The following TRPM7 variants were observed in gnomAD, a reference collection of about 807,000 sequenced individuals.
TRPM7 encodes LTRPC ion channel family member 7.
TRPM7 carries 134 observed loss-of-function variants against 229.7 expected under a neutral mutation model. The observed-to-expected ratio is 0.58, with a 90% CI of 0.51 to 0.67. TRPM7 has a LOEUF of 0.67. Ranked by LOEUF, TRPM7 falls within the 30% of genes least tolerant of loss-of-function variation. The pLI is 0.00. For synonymous variants in TRPM7, 699 were observed against 715.2 expected, an observed-to-expected ratio of 0.98 and a Z score of 0.36; for missense variants, 1,901 against 2,210.0, an observed-to-expected ratio of 0.86 and a Z score of 2.80.
intron 27 of TRPM7, chr15:50,588,084 G>T (rs1302747776): frequency 1.2e-5 from 3 of 241,502 alleles, no homozygotes; most frequent in Non-Finnish European, 1.9e-5. Flanking sequence ...GCAAATTATA[G>T]TCTTATGATA....
rs767613636 is a variant in TRPM7 at position 50,628,255 on chromosome 15, C to G, written c.1205-6G>C. On this transcript the variant is annotated splice_polypyrimidine_tract_variant and splice_region_variant and intron_variant, in intron 10 of 38. Coordinates refer to ENST00000646667, the MANE Select transcript of TRPM7 (RefSeq NM_017672.6). ...AAATGCAGATGCATTAGTACCTAATCGAATAAAGAAAATAGTTGACAGGTT... is the reference window on the plus strand; with the variant it reads ...AAATGCAGATGCATTAGTACCTAATGGAATAAAGAAAATAGTTGACAGGTT... The G allele has an allele frequency of 6.3e-7, 1 of 1,589,142 alleles. No individual in the cohort carries two copies. The highest frequency in any genetic ancestry group is 8.6e-7 in the Non-Finnish European group (1 of 1,162,048).
At chr15:50,637,626 A>G (rs1217226629) in intron 6 of TRPM7, 33 bp from the exon 7 acceptor site, 1 of 1,578,654 alleles carries the variant, frequency 6.3e-7, no homozygotes, top group South Asian at 1.1e-5. Context: ...GTTAGTGAGC[A>G]GGATTAAATA....
At chr15:50,634,662 G>GA (rs137911012) in intron 7 of TRPM7, 106 bp from the exon 8 acceptor site, 51 of 841,512 alleles carry the variant, frequency 6.1e-5, no homozygotes, top group South Asian at 8.7e-5. Context: ...AGATTTTACT[G>GA]AAAAAAAATT....
intron 4 of TRPM7, among the ~76,000 whole-genome samples, chr15:50,645,199 A>G (rs2061227455): frequency 6.9e-6 from 1 of 144,266 alleles, no homozygotes; most frequent in Non-Finnish European, 1.5e-5. Flanking sequence ...GGCACCCAGC[A>G]TGGTTAATTT....
At chr15:50,635,126 G>A (rs1170687954) in intron 7 of TRPM7, among the ~76,000 whole-genome samples, 2 of 151,498 alleles carry the variant, frequency 1.3e-5, no homozygotes, top group African/African-American at 4.9e-5. Context: ...GACCATCCTG[G>A]CTAACACAGT....
chr15:50,601,110 G>A (rs2059769530), intron 21 of TRPM7, among the ~76,000 whole-genome samples: 1 of 152,158 alleles, frequency 6.6e-6, no homozygotes, highest in Non-Finnish European at 1.5e-5. Context: ...ATATATTTTA[G>A]AATACAAATG....
chr15:50,612,822 G>T lies in TRPM7; in HGVS notation c.1778C>A (p.Thr593Lys), dbSNP rs769069570. 6.2e-7 allele frequency: 1 copy of T among 1,608,694 alleles called. No individual in the cohort carries two copies. Among genetic ancestry groups the T allele is most frequent in the African/African-American group, 1.3e-5 (1 of 74,562 alleles). Residue 593 changes from threonine (T) to lysine (K), a missense_variant, in exon 16 of 39, where the codon ACA (threonine) becomes AAA (lysine). By Grantham distance (78) the Thr-to-Lys change is moderately conservative. This residue lies in a region of TRPM7 where 794 missense variants were observed against 881.9 expected (regional missense o/e 0.90). Coordinates refer to ENST00000646667, the MANE Select transcript of TRPM7 (RefSeq NM_017672.6). The stretch of plus-strand genomic sequence containing the variant: ...TTTCTTCTTTCCTTCTTCCATAACT[G>T]TATCAATCTTCCAGGGAAAATAAAG... ...TAQPYRPKID[T>K]VMEEGKKKRT...
chr15:50,673,074 T>C (rs2062025871), intron 1 of TRPM7, among the ~76,000 whole-genome samples: 1 of 145,384 alleles, frequency 6.9e-6, no homozygotes, highest in Non-Finnish European at 1.5e-5. Context: ...TAATTTATTA[T>C]TGAATAAAAA....
rs186024162 is a variant in TRPM7 at position 50,681,187 on chromosome 15, G to A, written c.3+5344C>T. Reference sequence around the variant, plus strand: ...AATCACTTGAACCCGGGAGGCAGAGGTTGCAGTGAGCCAAGATCACGCCAC... The same window carrying A: ...AATCACTTGAACCCGGGAGGCAGAGATTGCAGTGAGCCAAGATCACGCCAC... On this transcript the variant is annotated intron_variant, in intron 1 of 38. Coordinates refer to ENST00000646667, the MANE Select transcript of TRPM7 (RefSeq NM_017672.6). Among the ~76,000 whole-genome samples the A allele has an allele frequency of 3.9e-5, 6 of 151,948 alleles. No individual in the cohort carries two copies. The East Asian group carries it at 1.2e-3, about 29-fold the overall frequency.
chr15:50,561,399 C>G lies in TRPM7; in HGVS notation c.*279G>C. The G allele has an allele frequency of 3.4e-6, 1 of 296,170 alleles. No homozygotes were observed. The highest frequency in any genetic ancestry group is 7.0e-5 in the South Asian group (1 of 14,252). 18.3% of individuals were successfully genotyped at this position (296,170 alleles called of 1,614,324 possible). A position where few individuals can be genotyped will look rare whatever the true frequency, so the allele number is the denominator to read the frequency against. On this transcript the variant is annotated 3_prime_UTR_variant, in exon 39 of 39. Coordinates refer to ENST00000646667, the MANE Select transcript of TRPM7 (RefSeq NM_017672.6). ...AGCATCACCCTCATCAAAACAAAGT[C>G]AAATGAGATCCTCTGCTATACAAAG...
intron 2 of TRPM7, among the ~76,000 whole-genome samples, chr15:50,661,054 A>G (rs950713999): frequency 7.2e-6 from 1 of 138,208 alleles, no homozygotes; most frequent in African/African-American, 2.7e-5. Flanking sequence ...TCAGCTCACT[A>G]CAACCTCTGC....
At chr15:50,678,497 T>G (rs1305629127) in intron 1 of TRPM7, among the ~76,000 whole-genome samples, 1 of 101,918 alleles carries the variant, frequency 9.8e-6, no homozygotes, top group Admixed American at 1.4e-4. Context: ...ACTCTCTAGT[T>G]CCATTCTTTA....
intron 3 of TRPM7, among the ~76,000 whole-genome samples, chr15:50,653,009 G>A (rs143237454): frequency 0.024 from 3,596 of 152,108 alleles, 65 homozygotes; most frequent in Non-Finnish European, 0.031. Context: ...AAATTAGCCA[G>A]GCATGGTGGC....
At chr15:50,646,525 C>T (rs1313542948) in intron 4 of TRPM7, among the ~76,000 whole-genome samples, 3 of 152,150 alleles carry the variant, frequency 2.0e-5, no homozygotes, top group African/African-American at 7.2e-5. Flanking sequence ...CTCAAGTGAT[C>T]CTCCTGCCTA....
At position 50,593,709 on chromosome 15, in the gene TRPM7, A is replaced by G. The variant is rs34709007; in HGVS notation, c.3516T>C (p.Asp1172=). 4.5e-4 allele frequency: 719 copies of G among 1,610,942 alleles called. 4 individuals are homozygous for G. In the African/African-American group the frequency reaches 8.8e-3, roughly 20 times the overall value. ...LTEEDQKKLH[D]FEEQCVEMYF... is the part of the protein sequence containing the mutation. ...ACATTTCAACACACTGCTCTTCAAAATCATGAAGTTTCTTTTGATCTTCTT... is the reference window on the plus strand; with the variant it reads ...ACATTTCAACACACTGCTCTTCAAAGTCATGAAGTTTCTTTTGATCTTCTT... Residue 1172 remains aspartate (D), a synonymous_variant, in exon 25 of 39, where the codon GAT becomes GAC. Coordinates refer to ENST00000646667, the MANE Select transcript of TRPM7 (RefSeq NM_017672.6).
intron 10 of TRPM7, among the ~76,000 whole-genome samples, chr15:50,630,106 C>T (rs997587472): frequency 1.3e-5 from 2 of 152,078 alleles, no homozygotes; most frequent in Non-Finnish European, 2.9e-5. Context: ...AAGTGATCCA[C>T]CCGCCTTAGC....
chr15:50,600,339 A>T (rs532251045), intron 21 of TRPM7, among the ~76,000 whole-genome samples: 1 of 151,974 alleles, frequency 6.6e-6, no homozygotes, highest in East Asian at 1.9e-4. Flanking sequence ...CAAGAGGCTG[A>T]GGCAGGAGAA....
intron 1 of TRPM7, among the ~76,000 whole-genome samples, chr15:50,684,080 G>A (rs949838902): frequency 6.6e-6 from 1 of 151,772 alleles, no homozygotes; most frequent in African/African-American, 2.4e-5. Context: ...TTGAACTCCT[G>A]ACCTCAAGTG....
intron 1 of TRPM7, among the ~76,000 whole-genome samples, chr15:50,670,698 A>G (rs1381838362): frequency 6.6e-6 from 1 of 152,020 alleles, no homozygotes; most frequent in Non-Finnish European, 1.5e-5. Context: ...AATAACCATA[A>G]AAGTGGGCAA....
Sources: allele counts gnomAD v4.1 joint callset (sites outside exome capture counted in the v4.1 genomes callset), GRCh38; gene constraint gnomAD v4.1.1; regional missense constraint gnomAD v4.1.1; transcripts MANE v1.5; gene names NCBI Gene and HGNC (gene_info 2026-07-23, HGNC 2026-07-21).